Variants in ACER2 observed in about 807,000 individuals in gnomAD.
ACER2 encodes the protein alkCDase 2.
Under a neutral mutation model 34.7 loss-of-function variants are expected in ACER2, and 26 were observed. That is an observed-to-expected ratio of 0.75 (90% CI 0.55 to 1.04). The LOEUF (loss-of-function observed/expected upper bound fraction) is 1.04. Ranked by LOEUF, ACER2 falls within the 50% of genes least tolerant of loss-of-function variation. The pLI, the probability that ACER2 is intolerant of heterozygous loss-of-function variation, is 0.00. For missense variants in ACER2, 352 were observed against 340.8 expected, an observed-to-expected ratio of 1.03 and a Z score of -0.26; for synonymous variants, 138 against 132.1, an observed-to-expected ratio of 1.04 and a Z score of -0.31.
At chr9:19,449,669 A>C (rs977868944) in intron 5 of ACER2, among the ~76,000 whole-genome samples, 1 of 152,068 alleles carries the variant, frequency 6.6e-6, no homozygotes, top group African/African-American at 2.4e-5. Flanking sequence ...GGATTACCTG[A>C]GGTCAGGAGT....
Position 19,450,307 on chromosome 9 carries a change from T to C in ACER2, c.642-143T>C, listed in dbSNP as rs370119319. On this transcript the variant is annotated intron_variant, in intron 5 of 5. Transcript: ENST00000340967. ...TTCCAGGGATTGTTGGTAATCTTCA[T>C]CCTTTCCTAATTAGAAGAGGCCCCT... is the stretch of plus-strand genomic sequence containing the variant. The C allele has an allele frequency of 1.4e-4, 178 of 1,318,162 alleles. 2 individuals are homozygous for C. The South Asian group carries it at 4.6e-3, about 34-fold the overall frequency. 81.7% of individuals were successfully genotyped at this position (1,318,162 alleles called of 1,614,324 possible).
At chr9:19,437,458 A>G (rs1353295994) in intron 4 of ACER2, among the ~76,000 whole-genome samples, 1 of 151,772 alleles carries the variant, frequency 6.6e-6, no homozygotes, top group South Asian at 2.1e-4. Context: ...TCCCATATCC[A>G]TTGCTCCACC....
Position 19,446,388 on chromosome 9 carries a change from C to G in ACER2, c.611C>G (p.Ser204Cys). 6.2e-7 allele frequency: 1 copy of G among 1,614,156 alleles called. No homozygotes were observed. The highest frequency in any genetic ancestry group is 8.5e-7 in the Non-Finnish European group (1 of 1,180,030). Residue 204 changes from serine to cysteine, a missense_variant, in exon 5 of 6, where the codon TCC becomes TGC. Ser to Cys is a moderately radical substitution (Grantham distance 112, BLOSUM62 -1). Transcript: ENST00000340967. ...CGAGCTTTCTGCGAGCTGCTGTCAT[C>G]CTTCAACTTCCCCTACCTGCACTGC... ...SDRAFCELLS[S>C]FNFPYLHCMW...
chr9:19,435,764 A>G (rs934116648), intron 4 of ACER2, among the ~76,000 whole-genome samples: 1 of 151,946 alleles, frequency 6.6e-6, no homozygotes, highest in African/African-American at 2.4e-5. Context: ...AAAAGGAAAA[A>G]AAAAGCCGGG....
chr9:19,433,945 A>G (rs1357194354), intron 3 of ACER2, among the ~76,000 whole-genome samples: 1,920 of 141,452 alleles, frequency 0.014, 35 homozygotes, highest in African/African-American at 0.049. Flanking sequence ...CTGGCCGGGC[A>G]GGGGGCTGAC....
intron 5 of ACER2, chr9:19,450,105 A>T: frequency 1.4e-6 from 1 of 719,582 alleles, no homozygotes; most frequent in Non-Finnish European, 1.7e-6. Context: ...GGTGGGTTCT[A>T]ATCAGATGTG....
intron 5 of ACER2, among the ~76,000 whole-genome samples, chr9:19,449,666 C>A (rs1445555971): frequency 6.6e-6 from 1 of 151,860 alleles, no homozygotes; most frequent in East Asian, 1.9e-4. Context: ...GGTGGATTAC[C>A]TGAGGTCAGG....
In ACER2 at chr9:19,411,651, A is replaced by G. The variant is rs568203608; in HGVS notation, c.108+2459A>G. Among the ~76,000 whole-genome samples, 64 of 152,354 alleles carry G rather than the reference A, an allele frequency of 4.2e-4. 2 individuals carry two copies. The South Asian group carries it at 0.012, about 30-fold the overall frequency. ...AGTAGACTGTTATGTGGTGATAAAT[A>G]TCGTCTTAAATCCTCATAATAAGGC... On this transcript the variant is annotated intron_variant, in intron 1 of 5. Coordinates refer to ENST00000340967, the MANE Select transcript of ACER2 (RefSeq NM_001010887.3).
intron 1 of ACER2, among the ~76,000 whole-genome samples, chr9:19,413,485 AG>A (rs1393620044): frequency 6.6e-6 from 1 of 152,020 alleles, no homozygotes; most frequent in Non-Finnish European, 1.5e-5. Flanking sequence ...CTGTAGTCCC[AG>A]CTACTAGGGA....
At position 19,434,984 on chromosome 9, in the gene ACER2, G is replaced by A. The variant is rs778327041; in HGVS notation, c.403G>A (p.Val135Ile). 8.1e-6 allele frequency: 13 copies of A among 1,613,962 alleles called. No individual in the cohort carries two copies. Among genetic ancestry groups the A allele is most frequent in the East Asian group, 4.5e-5 (2 of 44,892 alleles). Reference protein sequence around the residue: ...FKVVVSVLSAVTTCLAFVKPA... With the variant: ...FKVVVSVLSAITTCLAFVKPA... Reference sequence around the variant, plus strand: ...GGTGGTGGTCAGTGTCCTGTCTGCGGTTACGACGTGCCTGGCATTTGTCAA... The same window carrying A: ...GGTGGTGGTCAGTGTCCTGTCTGCGATTACGACGTGCCTGGCATTTGTCAA... Residue 135 changes from valine (V) to isoleucine (I), a missense_variant, in exon 4 of 6, where the codon GTT (valine) becomes ATT (isoleucine). Coordinates refer to ENST00000340967, the MANE Select transcript of ACER2 (RefSeq NM_001010887.3).
At chr9:19,439,367 G>C (rs1487561965) in intron 4 of ACER2, among the ~76,000 whole-genome samples, 2 of 110,446 alleles carry the variant, frequency 1.8e-5, no homozygotes, top group East Asian at 2.7e-4. Flanking sequence ...TGGAGACGTA[G>C]TCTCGCTCTG....
In ACER2 at chr9:19,452,063, G is replaced by C. The variant is rs1283187097; in HGVS notation, c.*1427G>C. 1 of 152,606 alleles carries C rather than the reference G, an allele frequency of 6.6e-6. No homozygotes were observed. The highest frequency in any genetic ancestry group is 2.4e-5 in the African/African-American group (1 of 41,436). The allele number at this position is 152,606 out of a possible 1,614,324, so 9.5% of individuals were successfully genotyped here. ...CACCTAATGTGACACTGGCTACAAT[G>C]AATCTTCTCTTCATCGGGCTGAATG... is the stretch of plus-strand genomic sequence containing the variant. On this transcript the variant is annotated 3_prime_UTR_variant, in exon 6 of 6. Transcript: ENST00000340967.
chr9:19,426,382 CT>C (rs1830572025), intron 3 of ACER2, among the ~76,000 whole-genome samples: 5 of 148,770 alleles, frequency 3.4e-5, no homozygotes, highest in Admixed American at 2.0e-4. Context: ...CTCTCTCTCT[CT>C]CTCTCTCTCC....
intron 3 of ACER2, among the ~76,000 whole-genome samples, chr9:19,429,922 G>C (rs1305659577): frequency 6.6e-6 from 1 of 151,950 alleles, no homozygotes; most frequent in East Asian, 1.9e-4. Context: ...ATTATGTTTT[G>C]GTAGCTTATA....
intron 5 of ACER2, among the ~76,000 whole-genome samples, chr9:19,449,991 A>C (rs1213686533): frequency 1.3e-5 from 2 of 152,188 alleles, no homozygotes; most frequent in Non-Finnish European, 2.9e-5. Flanking sequence ...CAGTGAGGAT[A>C]AATTTTTTAA....
intron 1 of ACER2, among the ~76,000 whole-genome samples, chr9:19,419,646 C>G (rs1484057909): frequency 2.6e-5 from 4 of 152,120 alleles, no homozygotes; most frequent in African/African-American, 7.2e-5. Flanking sequence ...GCCTGTAATC[C>G]CAGCTACTCT....
chr9:19,420,406 CTG>C (rs1830368671), intron 1 of ACER2, among the ~76,000 whole-genome samples: 1 of 152,214 alleles, frequency 6.6e-6, no homozygotes, highest in African/African-American at 2.4e-5. Flanking sequence ...TACTTCTTCT[CTG>C]TGCTCAGTCC....
intron 4 of ACER2, among the ~76,000 whole-genome samples, chr9:19,436,964 T>C (rs10118605): frequency 0.5 from 76,247 of 152,020 alleles, 19,639 homozygotes; most frequent in Non-Finnish European, 0.55. Flanking sequence ...TTTCTTCTTT[T>C]GGCTTCTCTG....
intron 4 of ACER2, among the ~76,000 whole-genome samples, chr9:19,445,858 A>C (rs143741778): frequency 7.2e-5 from 11 of 152,334 alleles, no homozygotes; most frequent in Non-Finnish European, 1.5e-4. Flanking sequence ...GGAGACTCTG[A>C]TGAGATGGCG....
Sources: allele counts gnomAD v4.1 joint callset (sites outside exome capture counted in the v4.1 genomes callset), GRCh38; gene constraint gnomAD v4.1.1; transcripts MANE v1.5; gene names NCBI Gene and HGNC (gene_info 2026-07-23, HGNC 2026-07-21).